The following PRDM5 variants were observed in gnomAD, a reference collection of about 807,000 sequenced individuals.
The protein encoded by PRDM5 is PR/SET domain 5, also known as PR domain zinc finger protein 5.
PRDM5 carries 56 observed loss-of-function variants against 81.2 expected under a neutral mutation model. The observed-to-expected ratio is 0.69, with a 90% CI of 0.56 to 0.86. The LOEUF is 0.86. Among genes scored for constraint, PRDM5 ranks in the 40% least tolerant of loss-of-function variants. The probability of loss-of-function intolerance (pLI) is 0.00; values close to 1 mark genes in which losing one functional copy is unlikely to be tolerated. For missense variants in PRDM5, 697 were observed against 770.1 expected, an observed-to-expected ratio of 0.91 and a Z score of 1.12; for synonymous variants, 267 against 256.4, an observed-to-expected ratio of 1.04 and a Z score of -0.39.
chr4:120,709,081 G>A (rs1158186871), intron 15 of PRDM5, among the ~76,000 whole-genome samples: 1 of 152,120 alleles, frequency 6.6e-6, no homozygotes, highest in African/African-American at 2.4e-5. Flanking sequence ...TAACATGATG[G>A]TTCAATTCAC....
intron 8 of PRDM5, among the ~76,000 whole-genome samples, chr4:120,808,525 A>T (rs981731914): frequency 2.6e-5 from 4 of 152,002 alleles, no homozygotes; most frequent in Non-Finnish European, 5.9e-5. Flanking sequence ...TCCCCACCAG[A>T]CTCAGGAGCC....
At chr4:120,841,735 C>T (rs557871246) in intron 3 of PRDM5, among the ~76,000 whole-genome samples, 8 of 152,228 alleles carry the variant, frequency 5.3e-5, no homozygotes, top group Non-Finnish European at 8.8e-5. Context: ...CGCACTCACA[C>T]GTACATGGTT....
rs567788075 is a variant in PRDM5, at chr4:120,852,762, T to TA, written c.300+655_300+656insT. ...ACAACCATATATATATTTTTATATA[T>TA]TTTTTATATTAAAAAAAGGATATAT... On this transcript the variant is annotated intron_variant, in intron 3 of 15. Coordinates refer to ENST00000264808, the MANE Select transcript of PRDM5 (RefSeq NM_018699.4). 3.7e-3 allele frequency among the ~76,000 whole-genome samples: 549 copies of TA among 149,642 alleles called. 2 individuals are homozygous for TA. Among genetic ancestry groups the TA allele is most frequent in the African/African-American group, 0.012 (511 of 41,048 alleles).
chr4:120,736,220 T>C (rs948932152), intron 14 of PRDM5, among the ~76,000 whole-genome samples: 5 of 151,692 alleles, frequency 3.3e-5, no homozygotes, highest in Non-Finnish European at 7.4e-5. Context: ...TGTGTGTGTG[T>C]GTGTGTGTGT....
intron 15 of PRDM5, among the ~76,000 whole-genome samples, chr4:120,708,818 T>A (rs1199741149): frequency 1.3e-5 from 2 of 151,712 alleles, no homozygotes; most frequent in East Asian, 3.9e-4. Context: ...GAGATTGGAG[T>A]GGGGTGGGAA....
rs72921539 is a variant in PRDM5, at chr4:120,777,339, T to C, written c.1444-58A>G. On this transcript the variant is annotated intron_variant, in intron 12 of 15. Coordinates refer to ENST00000264808, the MANE Select transcript of PRDM5 (RefSeq NM_018699.4). Reference sequence around the variant, plus strand: ...AATACAAAGAATTAGGTAAAGATGATTAAATGCCTCTGACAATAGTAAATC... The same window carrying C: ...AATACAAAGAATTAGGTAAAGATGACTAAATGCCTCTGACAATAGTAAATC... The C allele has an allele frequency of 3.7e-6, 6 of 1,610,646 alleles. No homozygotes were observed. The Admixed American group carries it at 6.7e-5, about 18-fold the overall frequency.
chr4:120,778,256 G>A lies in PRDM5; in HGVS notation c.1444-975C>T, dbSNP rs183328155. 3.9e-5 allele frequency among the ~76,000 whole-genome samples: 6 copies of A among 152,104 alleles called. No homozygotes were observed. The East Asian group carries it at 5.8e-4, about 15-fold the overall frequency. On this transcript the variant is annotated intron_variant, in intron 12 of 15. Transcript: ENST00000264808. ...ATCTAGGTTATAATCACAAAACAGA[G>A]CTTCCAGGGCCTGTGTTTGCCTTTG...
intron 2 of PRDM5, among the ~76,000 whole-genome samples, chr4:120,886,927 C>T (rs1763498337): frequency 6.6e-6 from 1 of 151,504 alleles, no homozygotes; most frequent in Non-Finnish European, 1.5e-5. Context: ...ACTTAAAAGT[C>T]ATTCTTGACT....
intron 13 of PRDM5, among the ~76,000 whole-genome samples, chr4:120,757,031 T>C (rs559555998): frequency 6.6e-6 from 1 of 152,316 alleles, no homozygotes; most frequent in East Asian, 1.9e-4. Context: ...TTTGCAGTTA[T>C]CAGGTAAATA....
At chr4:120,717,642 C>A (rs1239141151) in intron 14 of PRDM5, among the ~76,000 whole-genome samples, 1 of 152,128 alleles carries the variant, frequency 6.6e-6, no homozygotes, top group East Asian at 1.9e-4. Flanking sequence ...TTTAGTTGAG[C>A]TAAGAATTCC....
intron 3 of PRDM5, among the ~76,000 whole-genome samples, chr4:120,831,512 T>C (rs1412127955): frequency 6.6e-6 from 1 of 152,110 alleles, no homozygotes; most frequent in Non-Finnish European, 1.5e-5. Flanking sequence ...GACAGCTGAG[T>C]AAGAAAAATT....
At chr4:120,790,193 C>G (rs1050764680) in intron 10 of PRDM5, among the ~76,000 whole-genome samples, 2 of 152,190 alleles carry the variant, frequency 1.3e-5, no homozygotes, top group African/African-American at 4.8e-5. Flanking sequence ...CTGACTTGAC[C>G]ATTAACTGAA....
chr4:120,883,781 G>A (rs372965031), intron 2 of PRDM5, among the ~76,000 whole-genome samples: 2 of 152,272 alleles, frequency 1.3e-5, no homozygotes, highest in Non-Finnish European at 2.9e-5. Context: ...AATGTGTTTA[G>A]AAGATTACTT....
At chr4:120,782,391 C>T (rs573297186) in intron 11 of PRDM5, among the ~76,000 whole-genome samples, 60 of 151,986 alleles carry the variant, frequency 3.9e-4, no homozygotes, top group Middle Eastern at 3.4e-3. Flanking sequence ...TCATAACTAG[C>T]ACTAAATTTA....
At chr4:120,720,038 A>G (rs1320818753) in intron 14 of PRDM5, among the ~76,000 whole-genome samples, 2 of 152,106 alleles carry the variant, frequency 1.3e-5, no homozygotes, top group East Asian at 1.9e-4. Flanking sequence ...GTGAGCCACA[A>G]AAACGCAGAC....
At position 120,803,061 on chromosome 4, in the gene PRDM5, C is replaced by T. The variant is rs149248495; in HGVS notation, c.946-3316G>A. ...TGGCACAAGAACTACATGACAAATG[C>T]ACAAGCTTCGGTAGCTGATTCGATC... On this transcript the variant is annotated intron_variant, in intron 8 of 15. Transcript: ENST00000264808. Among the ~76,000 whole-genome samples the T allele has an allele frequency of 2.5e-3, 388 of 152,276 alleles. 1 individual carries two copies. The highest frequency in any genetic ancestry group is 8.9e-3 in the African/African-American group (372 of 41,566).
intron 2 of PRDM5, among the ~76,000 whole-genome samples, chr4:120,870,819 CAG>C (rs1262875911): frequency 6.6e-6 from 1 of 152,140 alleles, no homozygotes; most frequent in Non-Finnish European, 1.5e-5. Flanking sequence ...GCAGTCAGGA[CAG>C]AGTTTCAGAT....
At chr4:120,686,198 A>T (rs1050026806) in intron 1 of PRDM5, among the ~76,000 whole-genome samples, 1 of 150,150 alleles carries the variant, frequency 6.7e-6, no homozygotes, top group African/African-American at 2.4e-5. Context: ...ACTGTGAGCC[A>T]ATTAAACATT....
chr4:120,702,014 T>G (rs1356403963), intron 15 of PRDM5, among the ~76,000 whole-genome samples: 2 of 152,130 alleles, frequency 1.3e-5, no homozygotes, highest in African/African-American at 4.8e-5. Flanking sequence ...TTTGGAATTG[T>G]GGGGGGTATC....
Sources: allele counts gnomAD v4.1 joint callset (sites outside exome capture counted in the v4.1 genomes callset), GRCh38; gene constraint gnomAD v4.1.1; transcripts MANE v1.5; gene names NCBI Gene and HGNC (gene_info 2026-07-23, HGNC 2026-07-21).